PROSER3: variants seen among roughly 807,000 people sequenced by gnomAD.
PROSER3 encodes proline and serine rich 3.
PROSER3 carries 33 observed loss-of-function variants against 50.2 expected under a neutral mutation model. That is an observed-to-expected ratio of 0.66 (90% confidence interval 0.50 to 0.88). The LOEUF (loss-of-function observed/expected upper bound fraction) is 0.88, where lower values mean the gene tolerates loss of function less well. Ranked by LOEUF, PROSER3 falls within the 40% of genes least tolerant of loss-of-function variation. The pLI is 0.00. For synonymous variants in PROSER3, 266 were observed against 259.3 expected (o/e 1.03, Z -0.25); for missense variants, 623 against 612.7 (o/e 1.02, Z -0.18).
chr19:35,768,578 C>T (rs1599760389), exon 11 of PROSER3: 18 of 1,301,202 alleles, frequency 1.4e-5, no homozygotes, highest in South Asian at 2.9e-5. Flanking sequence ...CAGTGAGGCT[C>T]TTTTTTTTTT....
chr19:35,768,683 C>A, exon 11 of PROSER3: 3 of 1,087,504 alleles, frequency 2.8e-6, no homozygotes, highest in Non-Finnish European at 2.5e-6. Flanking sequence ...TCCTCCGCTG[C>A]CCCATGGCTC....
At chr19:35,763,247 G>A (rs1270549986) in intron 5 of PROSER3, among the ~76,000 whole-genome samples, 1 of 151,498 alleles carries the variant, frequency 6.6e-6, no homozygotes, top group Non-Finnish European at 1.5e-5. Context: ...TGTCACCCAG[G>A]CTGGGGTACA....
chr19:35,759,945 TC>T lies in PROSER3; in HGVS notation c.269del (p.Pro90GlnfsTer5). Reference sequence around the variant, plus strand: ...CACCACTGAGGGACAGATGTGGGCCTCCCCAGCACCCACCCTGATTGACAGC... The same window carrying T: ...CACCACTGAGGGACAGATGTGGGCCTCCCAGCACCCACCCTGATTGACAGC... On this transcript the variant is annotated frameshift_variant, in exon 3 of 11. Coordinates refer to ENST00000396908, the Ensembl canonical transcript of PROSER3. LOFTEE classifies it high-confidence loss of function. The T allele has an allele frequency of 6.2e-7, 1 of 1,606,890 alleles. No individual in the cohort carries two copies. Among genetic ancestry groups the T allele is most frequent in the Non-Finnish European group, 8.5e-7 (1 of 1,176,654 alleles).
chr19:35,768,559 T>G (rs1340233081), exon 11 of PROSER3: 1 of 1,551,324 alleles, frequency 6.4e-7, no homozygotes, highest in Non-Finnish European at 8.6e-7. Flanking sequence ...GTACAGATTC[T>G]ATTTTACCCA....
exon 9 of PROSER3, chr19:35,767,919 C>A (rs1971214172): frequency 6.2e-7 from 1 of 1,612,532 alleles, no homozygotes; most frequent in Non-Finnish European, 8.5e-7. Context: ...CTCTCTCCAG[C>A]TGAGCAGGCA....
At position 35,768,373 on chromosome 19, in the gene PROSER3, C is replaced by T. The variant is rs1356436841; in HGVS notation, c.1302-31C>T. 4.4e-6 allele frequency: 7 copies of T among 1,589,242 alleles called. No homozygotes were observed. In the Admixed American group the frequency reaches 1.0e-4, roughly 23 times the overall value. The stretch of plus-strand genomic sequence containing the variant: ...CCAGATTCTAAGCCTGAGCACATAC[C>T]CCAGCCTCTGCTCTCCCGGCCTTTC... On this transcript the variant is annotated intron_variant, in intron 10 of 10. Coordinates refer to ENST00000396908, the Ensembl canonical transcript of PROSER3.
At chr19:35,758,603 T>A in intron 1 of PROSER3, 1 of 258,714 alleles carries the variant, frequency 3.9e-6, no homozygotes, top group Non-Finnish European at 7.3e-6. Context: ...ATCTACCCTT[T>A]GCCTTCGTGT....
exon 5 of PROSER3, chr19:35,762,253 C>T: frequency 6.2e-7 from 1 of 1,609,964 alleles, no homozygotes; most frequent in Middle Eastern, 1.7e-4. Context: ...GGCTTCTCAG[C>T]AGGAGCCAAC....
At chr19:35,764,999 A>T (rs1350935658) in intron 6 of PROSER3, 35 bp from the exon 7 acceptor site, 1 of 1,612,110 alleles carries the variant, frequency 6.2e-7, no homozygotes, top group East Asian at 2.2e-5. Flanking sequence ...AGGTCTCGAG[A>T]CCTCCATTGC....
chr19:35,766,782 G>C, exon 8 of PROSER3: 1 of 1,549,464 alleles, frequency 6.5e-7, no homozygotes, highest in East Asian at 2.4e-5. Context: ...CCCGGCACCA[G>C]CCCAGGCCCA....
intron 8 of PROSER3, chr19:35,767,583 C>T: frequency 1.7e-6 from 1 of 590,370 alleles, no homozygotes; most frequent in South Asian, 2.1e-5. Context: ...CGCCCAGAGG[C>T]TGCCGAGCAA....
exon 1 of PROSER3, chr19:35,758,225 A>G (rs752035115): frequency 3.8e-6 from 6 of 1,562,678 alleles, no homozygotes; most frequent in Non-Finnish European, 5.2e-6. Flanking sequence ...GATGGACCGC[A>G]GGTGAGGCCG....
chr19:35,762,239 C>A lies in PROSER3; in HGVS notation c.440-14C>A. ...ACTCCTCCTGGCCCTCATACCTCAA[C>A]TGGGGCTTCTCAGCAGGAGCCAACA... On this transcript the variant is annotated splice_polypyrimidine_tract_variant and intron_variant, in intron 4 of 10. Transcript: ENST00000396908. 1.2e-6 allele frequency: 2 copies of A among 1,608,334 alleles called. No individual in the cohort carries two copies. Among genetic ancestry groups the A allele is most frequent in the Non-Finnish European group, 1.7e-6 (2 of 1,175,512 alleles).
At chr19:35,758,620 G>A (rs231237) in intron 1 of PROSER3, 101,575 of 226,674 alleles carry the variant, frequency 0.45, 24,688 homozygotes, top group African/African-American at 0.68. Context: ...GTGTCCCCCA[G>A]GAATGTATGG....
At chr19:35,768,157 T>A in exon 10 of PROSER3, 1 of 1,612,954 alleles carries the variant, frequency 6.2e-7, no homozygotes, top group Non-Finnish European at 8.5e-7. Context: ...CGGCCCAGAC[T>A]CCGACGGCAG....
At chr19:35,762,562 A>AAG (rs57111226) in intron 5 of PROSER3, 179 of 402,198 alleles carry the variant, frequency 4.5e-4, no homozygotes, top group East Asian at 1.4e-3. Flanking sequence ...AAAAAAAAAA[A>AAG]AGAGAGAGAG....
At chr19:35,763,604 C>T (rs1971035221) in intron 5 of PROSER3, among the ~76,000 whole-genome samples, 5 of 133,690 alleles carry the variant, frequency 3.7e-5, no homozygotes, top group Middle Eastern at 4.9e-3. Context: ...CCCAGGTTCA[C>T]GCCATTCTCC....
chr19:35,766,983 G>C (rs944705359), intron 8 of PROSER3, 28 bp downstream of exon 8: 44 of 1,532,718 alleles, frequency 2.9e-5, no homozygotes, highest in Non-Finnish European at 3.8e-5. Flanking sequence ...GGAGCCTGGG[G>C]GGAGCTGGAG....
Position 35,766,765 on chromosome 19 carries a change from C to T in PROSER3, c.770-3C>T. 2.6e-6 allele frequency: 4 copies of T among 1,545,648 alleles called. No individual in the cohort carries two copies. Among genetic ancestry groups the T allele is most frequent in the Non-Finnish European group, 2.6e-6 (3 of 1,142,910 alleles). On this transcript the variant is annotated splice_region_variant and splice_polypyrimidine_tract_variant and intron_variant, in intron 7 of 10. Coordinates refer to ENST00000396908, the Ensembl canonical transcript of PROSER3. ...ACCCTCTCCTCTCTACCTCCCCCTA[C>T]AGCATCCCCGGCACCAGCCCAGGCC... is the stretch of plus-strand genomic sequence containing the variant.
Sources: gnomAD v4.1 joint callset for allele counts (sites outside exome capture counted in the v4.1 genomes callset) on GRCh38, gnomAD v4.1.1 for gene constraint, MANE v1.5 for transcripts, NCBI Gene and HGNC (gene_info 2026-07-23, HGNC 2026-07-21) for gene names.